Variants in MLH3 observed in about 807,000 individuals in gnomAD.
The protein encoded by MLH3 is DNA mismatch repair protein Mlh3.
A neutral mutation model predicts 122.2 loss-of-function variants in MLH3; 82 were observed. That is an observed-to-expected ratio of 0.67 (90% CI 0.56 to 0.81). The LOEUF is 0.81. Among genes scored for constraint, MLH3 ranks in the 30% least tolerant of loss-of-function variants. The pLI is 0.00. For synonymous variants in MLH3, 524 were observed against 599.5 expected, an observed-to-expected ratio of 0.87 and a Z score of 1.84; for missense variants, 1,539 against 1,714.5, an observed-to-expected ratio of 0.90 and a Z score of 1.81.
intron 2 of MLH3, among the ~76,000 whole-genome samples, chr14:75,045,810 T>C (rs1892165647): frequency 6.6e-6 from 1 of 152,048 alleles, no homozygotes. Flanking sequence ...ATCACCCCCT[T>C]TCTTACACAT....
At chr14:75,030,429 C>T in intron 9 of MLH3, 114 bp downstream of exon 9, 1 of 1,061,260 alleles carries the variant, frequency 9.4e-7, no homozygotes, top group Non-Finnish European at 1.5e-6. Context: ...TGGCACACCG[C>T]AGGTAAATAC....
intron 1 of MLH3, 85 bp from the exon 2 acceptor site, chr14:75,049,803 G>A (rs1892545965): frequency 1.2e-6 from 1 of 846,376 alleles, no homozygotes; most frequent in South Asian, 1.5e-5. Flanking sequence ...TGAGGTAAAT[G>A]AAATCACTCT....
At chr14:75,021,950 T>C (rs1032894598) in intron 11 of MLH3, among the ~76,000 whole-genome samples, 4 of 152,076 alleles carry the variant, frequency 2.6e-5, no homozygotes, top group Admixed American at 2.0e-4. Context: ...CAATGGTGGA[T>C]TGGATAAAGA....
chr14:75,048,126 G>A lies in MLH3; in HGVS notation c.1530C>T (p.Ser510=), dbSNP rs1892391655. 1.2e-6 allele frequency: 2 copies of A among 1,614,034 alleles called. No homozygotes were observed. The highest frequency in any genetic ancestry group is 2.7e-5 in the African/African-American group (2 of 74,936). ...PCGTSLEMFL[S]PFQTPCHFEE... Reference sequence around the variant, plus strand: ...CAAAGTGACATGGTGTCTGAAAAGGGCTTAAAAACATTTCTAAACTGGTTC... The same window carrying A: ...CAAAGTGACATGGTGTCTGAAAAGGACTTAAAAACATTTCTAAACTGGTTC... The change falls in exon 2 of 13, where the codon AGC becomes AGT. Residue 510 remains serine, a synonymous_variant. Coordinates refer to ENST00000355774, the MANE Select transcript of MLH3 (RefSeq NM_001040108.2).
chr14:75,038,302 C>T, intron 6 of MLH3, 38 bp downstream of exon 6: 1 of 1,392,162 alleles, frequency 7.2e-7, no homozygotes, highest in Non-Finnish European at 1.0e-6. Context: ...TACAAGAAGA[C>T]CAGCTGGTTA....
At position 75,042,235 on chromosome 14, in the gene MLH3, C is replaced by A; in HGVS notation, c.3379+144G>T. The A allele has an allele frequency of 9.3e-6, 7 of 750,354 alleles. No individual in the cohort carries two copies. In the South Asian group the frequency reaches 1.0e-4, roughly 11 times the overall value. The allele number at this position is 750,354 out of a possible 1,614,324, so 46.5% of individuals were successfully genotyped here. A position where few individuals can be genotyped will look rare whatever the true frequency, so the allele number is the denominator to read the frequency against. On this transcript the variant is annotated intron_variant, in intron 3 of 12. Transcript: ENST00000355774. ...AATGCATGCGCTGAATTAATTAGTT[C>A]CGCTGTTAAACAGGGCCGTGGGGAA...
chr14:75,037,473 C>T (rs1278392658), intron 6 of MLH3, among the ~76,000 whole-genome samples: 1 of 152,048 alleles, frequency 6.6e-6, no homozygotes, highest in Non-Finnish European at 1.5e-5. Context: ...AATGGGCACT[C>T]AATTAATACT....
chr14:75,047,770 T>G lies in MLH3; in HGVS notation c.1886A>C (p.Asn629Thr). Residue 629 changes from asparagine to threonine, a missense_variant, in exon 2 of 13, where the codon AAT becomes ACT. Transcript: ENST00000355774. ...ACGTGTGGGACCAGGTCTAACATAA[T>G]TTTTAAATGAATGTTCTGTTTCAGT... is the stretch of plus-strand genomic sequence containing the variant. ...KSTETEHSFK[N>T]YVRPGPTRAQ... 6.2e-7 allele frequency: 1 copy of G among 1,614,100 alleles called. No homozygotes were observed. Among genetic ancestry groups the G allele is most frequent in the Non-Finnish European group, 8.5e-7 (1 of 1,179,964 alleles).
Position 75,048,474 on chromosome 14 carries a change from A to C in MLH3, c.1182T>G (p.Cys394Trp). Residue 394 changes from cysteine to tryptophan, a missense_variant, in exon 2 of 13, where the codon TGT becomes TGG. Physicochemically the swap from Cys to Trp is radical, Grantham distance 215 (BLOSUM62 -2). Coordinates refer to ENST00000355774, the MANE Select transcript of MLH3 (RefSeq NM_001040108.2). ...TCTCATAGGAATCTAAAATATTATT[A>C]CATGCTTCCTGGAAATTGCTCCTCT... Reference protein sequence around the residue: ...SDERSNFQEACNNILDSYEMF... With the variant: ...SDERSNFQEAWNNILDSYEMF... 6.2e-7 allele frequency: 1 copy of C among 1,612,974 alleles called. No individual in the cohort carries two copies. The highest frequency in any genetic ancestry group is 8.5e-7 in the Non-Finnish European group (1 of 1,179,732).
chr14:75,042,649 T>C (rs1891937130), intron 2 of MLH3, among the ~76,000 whole-genome samples, 172 bp from the exon 3 acceptor site: 1 of 150,332 alleles, frequency 6.7e-6, no homozygotes, highest in African/African-American at 2.5e-5. Flanking sequence ...GCTGTCCATA[T>C]AGGACTCTAT....
intron 3 of MLH3, among the ~76,000 whole-genome samples, chr14:75,041,935 G>C (rs41555816): frequency 1.3e-5 from 2 of 152,220 alleles, no homozygotes; most frequent in Admixed American, 1.3e-4. Context: ...ACTGTTAAAA[G>C]AGATATTGTG....
Position 75,014,624 on chromosome 14 carries a change from A to G in MLH3, c.*2458T>C, listed in dbSNP as rs551506329. 2 of 204,424 alleles carry G rather than the reference A, an allele frequency of 9.8e-6. No individual in the cohort carries two copies. Among genetic ancestry groups the G allele is most frequent in the East Asian group, 1.5e-4 (2 of 13,410 alleles). 12.7% of individuals were successfully genotyped at this position (204,424 alleles called of 1,614,324 possible). A position where few individuals can be genotyped will look rare whatever the true frequency, so the allele number is the denominator to read the frequency against. ...AAGCCTCTTGAAGGTAGAGACAGCCATAGGAACCTTCACTTCTCAATGAAG... is the reference window on the plus strand; with the variant it reads ...AAGCCTCTTGAAGGTAGAGACAGCCGTAGGAACCTTCACTTCTCAATGAAG... On this transcript the variant is annotated 3_prime_UTR_variant, in exon 13 of 13. Coordinates refer to ENST00000355774, the MANE Select transcript of MLH3 (RefSeq NM_001040108.2).
At chr14:75,044,032 T>TAA (rs1340477425) in intron 2 of MLH3, among the ~76,000 whole-genome samples, 240 of 152,060 alleles carry the variant, frequency 1.6e-3, no homozygotes, top group Non-Finnish European at 2.8e-3. Context: ...GAGGTTGCAG[T>TAA]GAGCCGAGAT....
At chr14:75,042,304 T>C in intron 3 of MLH3, 75 bp downstream of exon 3, 2 of 1,305,212 alleles carry the variant, frequency 1.5e-6, no homozygotes, top group Non-Finnish European at 2.2e-6. Context: ...TCAAGCTTAA[T>C]GCAAGCCTGC....
intron 12 of MLH3, among the ~76,000 whole-genome samples, chr14:75,018,161 A>C (rs1890022698): frequency 6.6e-6 from 1 of 151,792 alleles, no homozygotes; most frequent in African/African-American, 2.4e-5. Context: ...ACAAAAAAAA[A>C]GGAAAGATTT....
In MLH3 at chr14:75,022,987, A is replaced by G. The variant is rs936820168; in HGVS notation, c.4011+8T>C. On this transcript the variant is annotated splice_region_variant and intron_variant, in intron 10 of 12. Coordinates refer to ENST00000355774, the MANE Select transcript of MLH3 (RefSeq NM_001040108.2). Reference sequence around the variant, plus strand: ...TGTGTGAAACCCCAAAATAAAGGAAAAGCTTACCTCCAGTTGTTCTCGGAT... The same window carrying G: ...TGTGTGAAACCCCAAAATAAAGGAAGAGCTTACCTCCAGTTGTTCTCGGAT... The G allele has an allele frequency of 6.2e-7, 1 of 1,614,228 alleles. No homozygotes were observed. The highest frequency in any genetic ancestry group is 8.5e-7 in the Non-Finnish European group (1 of 1,180,026).
rs1363518429 is a variant in MLH3, at chr14:75,033,421, A to G, written c.3713T>C (p.Ile1238Thr). ...TCTGGCTGCAAACAGATCCTTACCA[A>G]TGATAAGCTGCTCCAGACGTATACG... The part of the protein sequence containing the change: ...HERIRLEQLI[I>T]DSYEKQQAQG... Residue 1238 changes from isoleucine (I) to threonine (T), a missense_variant and splice_region_variant, in exon 7 of 13, where the codon ATT (isoleucine) becomes ACT (threonine). Coordinates refer to ENST00000355774, the MANE Select transcript of MLH3 (RefSeq NM_001040108.2). 2 of 1,614,046 alleles carry G rather than the reference A, an allele frequency of 1.2e-6. No homozygotes were observed. The highest frequency in any genetic ancestry group is 2.2e-5 in the East Asian group (1 of 44,874).
At chr14:75,031,565 C>A (rs963047815) in intron 8 of MLH3, among the ~76,000 whole-genome samples, 1 of 152,212 alleles carries the variant, frequency 6.6e-6, no homozygotes, top group Non-Finnish European at 1.5e-5. Context: ...GTAATCCCAG[C>A]ACTTTGGGAG....
At chr14:75,038,969 T>C (rs1266668255) in intron 5 of MLH3, among the ~76,000 whole-genome samples, 1 of 151,818 alleles carries the variant, frequency 6.6e-6, no homozygotes, top group African/African-American at 2.4e-5. Flanking sequence ...GCCATTCTCC[T>C]GCCTCAGCCT....
Sources: gnomAD v4.1 joint callset for allele counts (sites outside exome capture counted in the v4.1 genomes callset) on GRCh38, gnomAD v4.1.1 for gene constraint, MANE v1.5 for transcripts, NCBI Gene and HGNC (gene_info 2026-07-23, HGNC 2026-07-21) for gene names.